Variants in DNAH14 observed in about 807,000 individuals in gnomAD.
DNAH14 encodes the protein dynein axonemal heavy chain 14, also known as axonemal beta dynein heavy chain 14.
Under a neutral mutation model 520.9 loss-of-function variants are expected in DNAH14, and 478 were observed. That is an observed-to-expected ratio of 0.92 (90% confidence interval 0.85 to 0.99). The LOEUF (loss-of-function observed/expected upper bound fraction) is 0.99, where lower values mean the gene tolerates loss of function less well. DNAH14 is among the 50% of genes least tolerant of loss of function. The pLI, the probability that DNAH14 is intolerant of heterozygous loss-of-function variation, is 0.00. For missense variants in DNAH14, 4,831 were observed against 5,234.5 expected (o/e 0.92, Z 2.38); for synonymous variants, 1,581 against 1,757.2 (o/e 0.90, Z 2.51).
intron 1 of DNAH14, among the ~76,000 whole-genome samples, chr1:224,947,533 T>C (rs1437867316): frequency 6.6e-6 from 1 of 152,188 alleles, no homozygotes; most frequent in African/African-American, 2.4e-5. Context: ...TTTGATCCTC[T>C]TGATTGAGGT....
At chr1:225,269,599 C>T (rs973207868) in intron 49 of DNAH14, among the ~76,000 whole-genome samples, 8 of 152,294 alleles carry the variant, frequency 5.3e-5, no homozygotes, top group African/African-American at 1.9e-4. Flanking sequence ...GGGCTAATAT[C>T]CAGAATCTAC....
Position 225,398,987 on chromosome 1 carries a change from G to A in DNAH14, c.13639-67G>A, listed in dbSNP as rs531565073. On this transcript the variant is annotated intron_variant, in intron 85 of 85. Coordinates refer to ENST00000682510, the MANE Select transcript of DNAH14 (RefSeq NM_001367479.1). The stretch of plus-strand genomic sequence containing the variant: ...ACAAATCCCTCAAGCCTAGCATACA[G>A]AAAATGTGAGCTACTGATTCACTTG... 3.3e-6 allele frequency: 4 copies of A among 1,200,138 alleles called. No homozygotes were observed. In the Admixed American group the frequency reaches 9.6e-5, roughly 29 times the overall value. The allele number at this position is 1,200,138 out of a possible 1,614,324, so 74.3% of individuals were successfully genotyped here.
chr1:225,363,578 C>T (rs879526412), intron 75 of DNAH14, among the ~76,000 whole-genome samples: 2 of 152,122 alleles, frequency 1.3e-5, no homozygotes, highest in Non-Finnish European at 2.9e-5. Context: ...CTTTGTCTTT[C>T]GTAACTTTGA....
At chr1:224,992,488 TGCAG>T (rs1184171508) in intron 8 of DNAH14, among the ~76,000 whole-genome samples, 33 of 152,174 alleles carry the variant, frequency 2.2e-4, no homozygotes, top group African/African-American at 7.5e-4. Flanking sequence ...GCTATTTAAA[TGCAG>T]TTGTTCCCTT....
intron 1 of DNAH14, among the ~76,000 whole-genome samples, chr1:224,930,828 G>A (rs898022388): frequency 6.6e-6 from 1 of 152,168 alleles, no homozygotes; most frequent in Non-Finnish European, 1.5e-5. Flanking sequence ...TCGATTTCCT[G>A]ACCTCATGAT....
At chr1:225,157,059 G>A (rs906540721) in intron 34 of DNAH14, among the ~76,000 whole-genome samples, 18 of 152,108 alleles carry the variant, frequency 1.2e-4, no homozygotes, top group Non-Finnish European at 2.4e-4. Flanking sequence ...ATAATATTCA[G>A]ATTCTGGGGA....
At position 225,080,852 on chromosome 1, in the gene DNAH14, T is replaced by C. The variant is rs1020013537; in HGVS notation, c.3136+104T>C. 2.5e-6 allele frequency: 3 copies of C among 1,222,864 alleles called. No individual in the cohort carries two copies. In the African/African-American group the frequency reaches 4.6e-5, roughly 19 times the overall value. The allele number at this position is 1,222,864 out of a possible 1,614,324, so 75.8% of individuals were successfully genotyped here. ...GCTTGTTTCTTTACCCATTCTCAGG[T>C]TGACCATTATGGCTAGAGCTACAAT... On this transcript the variant is annotated intron_variant, in intron 19 of 85. Transcript: ENST00000682510.
In DNAH14 at chr1:224,957,314, G is replaced by A. The variant is rs528513175; in HGVS notation, c.217+2216G>A. 4.5e-4 allele frequency among the ~76,000 whole-genome samples: 69 copies of A among 152,166 alleles called. 1 individual carries two copies. Among genetic ancestry groups the A allele is most frequent in the Middle Eastern group, 3.4e-3 (1 of 294 alleles). On this transcript the variant is annotated intron_variant, in intron 3 of 85. Transcript: ENST00000682510. Reference sequence around the variant, plus strand: ...CAGGAGTTTAGAGGAAGGATCATGAGTTCAATTTTGGACATGTTGAATTTG... The same window carrying A: ...CAGGAGTTTAGAGGAAGGATCATGAATTCAATTTTGGACATGTTGAATTTG...
At chr1:225,219,657 C>G (rs1019687157) in intron 41 of DNAH14, among the ~76,000 whole-genome samples, 31 of 152,108 alleles carry the variant, frequency 2.0e-4, no homozygotes, top group Non-Finnish European at 3.4e-4. Flanking sequence ...GAAATTGAGA[C>G]AGTAATCCAT....
intron 11 of DNAH14, among the ~76,000 whole-genome samples, chr1:225,035,457 T>C (rs2066882458): frequency 6.6e-6 from 1 of 152,052 alleles, no homozygotes; most frequent in Non-Finnish European, 1.5e-5. Flanking sequence ...TCCTCTTGCT[T>C]TTCTCATTCT....
intron 27 of DNAH14, among the ~76,000 whole-genome samples, chr1:225,130,908 C>T (rs1026829063): frequency 6.6e-6 from 1 of 151,880 alleles, no homozygotes; most frequent in Non-Finnish European, 1.5e-5. Flanking sequence ...ACAAGGTATG[C>T]CTGTATAAGT....
intron 66 of DNAH14, among the ~76,000 whole-genome samples, chr1:225,336,030 TATAC>T (rs1364703047): frequency 1.8e-5 from 2 of 109,842 alleles, no homozygotes; most frequent in African/African-American, 8.4e-5. Context: ...CATATATGTA[TATAC>T]ACACATATAT....
chr1:225,380,776 T>C (rs962432116), intron 80 of DNAH14, among the ~76,000 whole-genome samples: 3 of 152,182 alleles, frequency 2.0e-5, no homozygotes, highest in African/African-American at 7.2e-5. Context: ...CAAACCCAGC[T>C]CTAAGTGGCT....
chr1:225,101,257 T>A (rs1195279693), intron 23 of DNAH14, among the ~76,000 whole-genome samples: 1 of 151,980 alleles, frequency 6.6e-6, no homozygotes, highest in Admixed American at 6.6e-5. Flanking sequence ...ATGTATATAT[T>A]TATGGGGTAC....
intron 76 of DNAH14, among the ~76,000 whole-genome samples, chr1:225,366,214 T>C (rs888652766): frequency 6.6e-6 from 1 of 152,188 alleles, no homozygotes; most frequent in South Asian, 2.1e-4. Context: ...TCTCACATAA[T>C]GCTGACAAGG....
chr1:225,359,341 A>G (rs914190748), intron 74 of DNAH14, among the ~76,000 whole-genome samples: 6 of 152,236 alleles, frequency 3.9e-5, no homozygotes, highest in African/African-American at 9.6e-5. Context: ...GTCTATGTCT[A>G]TGCACGTGTT....
intron 28 of DNAH14, 150 bp downstream of exon 28, chr1:225,141,171 T>C: frequency 1.4e-6 from 1 of 721,882 alleles, no homozygotes. Flanking sequence ...AATCTGAGTA[T>C]ATTAGTCCCC....
intron 8 of DNAH14, among the ~76,000 whole-genome samples, chr1:224,978,205 G>T (rs933926258): frequency 2.6e-5 from 4 of 152,174 alleles, no homozygotes; most frequent in African/African-American, 9.7e-5. Context: ...AGAGACACCT[G>T]CATTCCCATG....
intron 38 of DNAH14, among the ~76,000 whole-genome samples, chr1:225,202,849 G>A (rs957384774): frequency 1.3e-5 from 2 of 152,198 alleles, no homozygotes; most frequent in Non-Finnish European, 2.9e-5. Flanking sequence ...GACCCAGTGA[G>A]CCCACAGTGC....
Sources: allele counts gnomAD v4.1 joint callset (sites outside exome capture counted in the v4.1 genomes callset), GRCh38; gene constraint gnomAD v4.1.1; transcripts MANE v1.5; gene names NCBI Gene and HGNC (gene_info 2026-07-23, HGNC 2026-07-21).